PPARGC1A: variants seen among roughly 807,000 people sequenced by gnomAD.
PPARGC1A encodes PPARG coactivator 1 alpha, also known as peroxisome proliferator-activated receptor gamma coactivator 1-alpha.
PPARGC1A carries 25 observed loss-of-function variants against 88.7 expected under a neutral mutation model. The ratio of observed to expected loss-of-function variants is 0.28; its 90% CI spans 0.21 to 0.39. The LOEUF (loss-of-function observed/expected upper bound fraction) is 0.39, where lower values mean the gene tolerates loss of function less well. PPARGC1A is among the 10% of genes least tolerant of loss of function. The pLI is 1.00. For synonymous variants in PPARGC1A, 363 were observed against 355.6 expected (o/e 1.02, Z -0.24); for missense variants, 880 against 968.7 (o/e 0.91, Z 1.22).
chr4:23,873,197 C>CAAAAAAAAAAAAAAAAAAAAA (rs1381885920), intron 2 of PPARGC1A, among the ~76,000 whole-genome samples: 2 of 74,824 alleles, frequency 2.7e-5, no homozygotes, highest in African/African-American at 5.6e-5. Flanking sequence ...GACTCCGTCT[C>CAAAAAAAAAAAAAAAAAAAAA]AAAAATAAAA....
At position 23,856,062 on chromosome 4, in the gene PPARGC1A, T is replaced by C. The variant is rs199611151; in HGVS notation, c.235-24311A>G. Among the ~76,000 whole-genome samples the C allele has an allele frequency of 3.9e-5, 6 of 152,312 alleles. No individual in the cohort carries two copies. The East Asian group carries it at 1.2e-3, about 29-fold the overall frequency. ...GAACTATCCCCAGGTTCTCCCACCA[T>C]GGACAAAAAGTGACATTTGGAAATG... On this transcript the variant is annotated intron_variant, in intron 2 of 12. Transcript: ENST00000264867.
chr4:24,253,073 C>A, the PPARGC1A span, among the ~76,000 whole-genome samples: 1 of 152,072 alleles, frequency 6.6e-6, no homozygotes, highest in East Asian at 1.9e-4. Flanking sequence ...GGGAATTTAT[C>A]TTTTTTAAAA....
chr4:23,852,948 C>CT (rs1384131459), intron 2 of PPARGC1A, among the ~76,000 whole-genome samples: 3 of 152,122 alleles, frequency 2.0e-5, no homozygotes, highest in Non-Finnish European at 2.9e-5. Flanking sequence ...CTATAATGCA[C>CT]TTTGTCTTTT....
At chr4:24,371,915 C>T in the PPARGC1A span, among the ~76,000 whole-genome samples, 3 of 151,846 alleles carry the variant, frequency 2.0e-5, no homozygotes, top group Non-Finnish European at 4.4e-5. Context: ...CATGCCACTG[C>T]ACTCCAGCCT....
At chr4:24,257,907 T>C in the PPARGC1A span, among the ~76,000 whole-genome samples, 327 of 152,270 alleles carry the variant, frequency 2.1e-3, no homozygotes, top group African/African-American at 7.5e-3. Context: ...ATATCCATGG[T>C]TCATATAAAC....
At chr4:24,198,625 C>T in the PPARGC1A span, among the ~76,000 whole-genome samples, 1 of 152,192 alleles carries the variant, frequency 6.6e-6, no homozygotes, top group Non-Finnish European at 1.5e-5. Context: ...ATTAGCAGCC[C>T]CTCCAGCATT....
At chr4:24,358,667 C>A in the PPARGC1A span, among the ~76,000 whole-genome samples, 45 of 152,212 alleles carry the variant, frequency 3.0e-4, no homozygotes, top group African/African-American at 1.0e-3. Flanking sequence ...TGGTCACTAG[C>A]AATCCCTTGA....
At chr4:23,964,909 G>A in the PPARGC1A span, among the ~76,000 whole-genome samples, 1 of 152,116 alleles carries the variant, frequency 6.6e-6, no homozygotes, top group African/African-American at 2.4e-5. Flanking sequence ...AAAAAACCTT[G>A]TCTCCCTCCA....
the PPARGC1A span, among the ~76,000 whole-genome samples, chr4:24,321,961 G>A: frequency 2.6e-5 from 4 of 152,188 alleles, no homozygotes; most frequent in African/African-American, 7.2e-5. Context: ...AAAATCTCAC[G>A]GGCTACATGG....
chr4:23,921,275 G>A, the PPARGC1A span, among the ~76,000 whole-genome samples: 16 of 151,490 alleles, frequency 1.1e-4, no homozygotes, highest in East Asian at 2.0e-4. Flanking sequence ...AAGTGCATGC[G>A]TGTGTGTGTG....
the PPARGC1A span, among the ~76,000 whole-genome samples, chr4:24,258,759 C>T: frequency 1.3e-5 from 2 of 152,322 alleles, no homozygotes; most frequent in South Asian, 4.1e-4. Flanking sequence ...AGTCAGAATA[C>T]TTCAGAAGTA....
At chr4:24,185,634 G>A in the PPARGC1A span, among the ~76,000 whole-genome samples, 1 of 152,156 alleles carries the variant, frequency 6.6e-6, no homozygotes, top group Non-Finnish European at 1.5e-5. Context: ...AATGTTTATA[G>A]CTAGAAAGAA....
At chr4:24,157,648 C>T in the PPARGC1A span, among the ~76,000 whole-genome samples, 1 of 152,082 alleles carries the variant, frequency 6.6e-6, no homozygotes, top group African/African-American at 2.4e-5. Flanking sequence ...TTGTTCATGC[C>T]CAAAGCCGAG....
the PPARGC1A span, among the ~76,000 whole-genome samples, chr4:23,980,952 C>T: frequency 2.0e-5 from 3 of 152,126 alleles, no homozygotes; most frequent in Admixed American, 1.3e-4. Context: ...ACTTGACAAA[C>T]GTCCACTATG....
chr4:23,937,795 G>T, the PPARGC1A span, among the ~76,000 whole-genome samples: 1 of 152,100 alleles, frequency 6.6e-6, no homozygotes, highest in Non-Finnish European at 1.5e-5. Flanking sequence ...CCTGGAGGAG[G>T]AGCTGAGATA....
the PPARGC1A span, among the ~76,000 whole-genome samples, chr4:23,958,905 T>G: frequency 2.0e-5 from 3 of 152,058 alleles, no homozygotes; most frequent in African/African-American, 7.2e-5. Context: ...ATTTGTATTA[T>G]TTATCCTTAA....
the PPARGC1A span, among the ~76,000 whole-genome samples, chr4:24,369,525 CAGTACAATCCCCAATTTCTACATG>C: frequency 6.6e-6 from 1 of 151,836 alleles, no homozygotes; most frequent in Admixed American, 6.6e-5. Flanking sequence ...TTAAGAGAAG[CAGTACAATCCCCAATTTCTACATG>C]AGAAAATTGA....
At chr4:24,173,338 CAAAAAAA>C in the PPARGC1A span, among the ~76,000 whole-genome samples, 2 of 117,584 alleles carry the variant, frequency 1.7e-5, no homozygotes, top group Non-Finnish European at 1.8e-5. Context: ...CTTTCCCCAC[CAAAAAAA>C]AAAAAAAAAA....
At chr4:24,009,811 T>C in the PPARGC1A span, among the ~76,000 whole-genome samples, 1 of 152,214 alleles carries the variant, frequency 6.6e-6, no homozygotes, top group Non-Finnish European at 1.5e-5. Context: ...CATTCCCACC[T>C]TTATTGGGAG....
Sources: gnomAD v4.1 joint callset for allele counts (sites outside exome capture counted in the v4.1 genomes callset) on GRCh38, gnomAD v4.1.1 for gene constraint, MANE v1.5 for transcripts, NCBI Gene and HGNC (gene_info 2026-07-23, HGNC 2026-07-21) for gene names.